ANKS1B: variants seen among roughly 807,000 people sequenced by gnomAD.
ANKS1B encodes the protein ankyrin repeat and sterile alpha motif domain-containing protein 1B.
In ANKS1B, 36 loss-of-function variants were observed where a neutral mutation model predicts 148.3. The ratio of observed to expected loss-of-function variants is 0.24; its 90% CI spans 0.19 to 0.32. ANKS1B has a LOEUF of 0.32. Ranked by LOEUF, ANKS1B falls within the 10% of genes least tolerant of loss-of-function variation. The probability of loss-of-function intolerance (pLI) is 1.00; values close to 1 mark genes in which losing one functional copy is unlikely to be tolerated. For synonymous variants in ANKS1B, 542 were observed against 560.8 expected (o/e 0.97, Z 0.47); for missense variants, 1,157 against 1,542.6 (o/e 0.75, Z 4.19).
At chr12:99,085,978 G>A (rs11614812) in intron 15 of ANKS1B, among the ~76,000 whole-genome samples, 3,094 of 152,186 alleles carry the variant, frequency 0.02, 42 homozygotes, top group African/African-American at 0.027. Flanking sequence ...GTTTACCTAC[G>A]TAACAAACTG....
At chr12:99,752,414 GA>G (rs1456605194) in intron 8 of ANKS1B, among the ~76,000 whole-genome samples, 1 of 151,816 alleles carries the variant, frequency 6.6e-6, no homozygotes, top group African/African-American at 2.4e-5. Context: ...ATAAAACATG[GA>G]AATGCCTCAG....
chr12:99,943,214 G>A (rs1181303866), intron 1 of ANKS1B, among the ~76,000 whole-genome samples: 2 of 152,146 alleles, frequency 1.3e-5, no homozygotes, highest in Admixed American at 1.3e-4. Context: ...TCAGTTACAT[G>A]ATCCAAAACA....
intron 25 of ANKS1B, among the ~76,000 whole-genome samples, chr12:98,757,698 G>A (rs2098283564): frequency 6.6e-6 from 1 of 152,176 alleles, no homozygotes; most frequent in Non-Finnish European, 1.5e-5. Flanking sequence ...CCTCCCTTGG[G>A]CATAAATTCA....
At chr12:99,261,088 T>C (rs1383058062) in intron 12 of ANKS1B, among the ~76,000 whole-genome samples, 1 of 152,214 alleles carries the variant, frequency 6.6e-6, no homozygotes, top group East Asian at 1.9e-4. Flanking sequence ...AGTGGTGTTC[T>C]AGCTCTGCAA....
intron 12 of ANKS1B, among the ~76,000 whole-genome samples, chr12:99,376,201 T>C (rs1946875884): frequency 6.6e-6 from 1 of 152,192 alleles, no homozygotes; most frequent in Admixed American, 6.6e-5. Flanking sequence ...TGATAAAACA[T>C]TATCATGCCA....
At chr12:99,563,778 G>A (rs1300618346) in intron 9 of ANKS1B, among the ~76,000 whole-genome samples, 5 of 151,942 alleles carry the variant, frequency 3.3e-5, no homozygotes, top group Non-Finnish European at 7.4e-5. Flanking sequence ...AGTGCAATAA[G>A]GTAAATAAAG....
chr12:99,635,477 T>C (rs940225948), intron 9 of ANKS1B, among the ~76,000 whole-genome samples: 1 of 152,164 alleles, frequency 6.6e-6, no homozygotes, highest in Non-Finnish European at 1.5e-5. Flanking sequence ...GAGAACATTA[T>C]GCTAAGTGAA....
intron 17 of ANKS1B, among the ~76,000 whole-genome samples, chr12:98,837,553 C>T (rs1331332651): frequency 6.6e-6 from 1 of 152,056 alleles, no homozygotes; most frequent in African/African-American, 2.4e-5. Context: ...TTCCGGAAAC[C>T]CCACTGTGAA....
At chr12:99,035,381 G>C (rs966841981) in intron 17 of ANKS1B, among the ~76,000 whole-genome samples, 1 of 152,106 alleles carries the variant, frequency 6.6e-6, no homozygotes, top group Non-Finnish European at 1.5e-5. Context: ...ATGCTCAGGG[G>C]GGCCAAGAAG....
intron 17 of ANKS1B, among the ~76,000 whole-genome samples, chr12:98,866,687 CA>C (rs762844748): frequency 1.3e-5 from 2 of 152,228 alleles, no homozygotes; most frequent in Non-Finnish European, 2.9e-5. Flanking sequence ...CTACCCATTG[CA>C]ACCCTCCTCG....
chr12:99,100,411 G>A (rs1458544664), intron 15 of ANKS1B, among the ~76,000 whole-genome samples: 2 of 152,146 alleles, frequency 1.3e-5, no homozygotes, highest in African/African-American at 4.8e-5. Context: ...CTATCATGCT[G>A]CCCACACTTT....
intron 17 of ANKS1B, among the ~76,000 whole-genome samples, chr12:98,951,666 G>C (rs2099854311): frequency 6.6e-6 from 1 of 152,098 alleles, no homozygotes; most frequent in Admixed American, 6.6e-5. Flanking sequence ...AGCCCTGTCT[G>C]TGCCCTCTTC....
At chr12:99,318,881 C>T (rs907517968) in intron 12 of ANKS1B, among the ~76,000 whole-genome samples, 4 of 152,128 alleles carry the variant, frequency 2.6e-5, no homozygotes, top group African/African-American at 7.2e-5. Context: ...TCTTTGTTTT[C>T]ATTGGTTTCA....
At chr12:99,813,473 T>C (rs2068691107) in intron 2 of ANKS1B, among the ~76,000 whole-genome samples, 1 of 151,324 alleles carries the variant, frequency 6.6e-6, no homozygotes, top group Admixed American at 6.6e-5. Flanking sequence ...AGATTTACAT[T>C]TAAACATTTC....
intron 9 of ANKS1B, among the ~76,000 whole-genome samples, chr12:99,606,112 T>A (rs1479270868): frequency 6.6e-6 from 1 of 152,064 alleles, no homozygotes; most frequent in African/African-American, 2.4e-5. Context: ...TCCATATACT[T>A]CTTGGCCATT....
intron 6 of ANKS1B, among the ~76,000 whole-genome samples, chr12:99,776,362 C>A (rs145503168): frequency 6.6e-6 from 1 of 152,112 alleles, no homozygotes; most frequent in African/African-American, 2.4e-5. Context: ...GTAATCCTTA[C>A]AAAACTATGA....
chr12:99,163,467 C>CTGTGTGTG (rs146637164), intron 14 of ANKS1B, among the ~76,000 whole-genome samples: 7,056 of 135,010 alleles, frequency 0.052, 266 homozygotes, highest in African/African-American at 0.1. Flanking sequence ...TACATGCACT[C>CTGTGTGTG]TGTGTGTGTG....
chr12:99,716,529 C>A (rs953056862), intron 8 of ANKS1B, among the ~76,000 whole-genome samples: 4 of 152,116 alleles, frequency 2.6e-5, no homozygotes, highest in Non-Finnish European at 4.4e-5. Flanking sequence ...AACCTAAATG[C>A]CTTATTTTCT....
intron 12 of ANKS1B, among the ~76,000 whole-genome samples, chr12:99,286,545 T>G (rs1024617646): frequency 6.6e-6 from 1 of 152,104 alleles, no homozygotes; most frequent in Non-Finnish European, 1.5e-5. Flanking sequence ...AAGGGGACTT[T>G]GCCTTGTAGT....
Sources: allele counts gnomAD v4.1 joint callset (sites outside exome capture counted in the v4.1 genomes callset), GRCh38; gene constraint gnomAD v4.1.1; transcripts MANE v1.5; gene names NCBI Gene and HGNC (gene_info 2026-07-23, HGNC 2026-07-21).